FILIP1: variants seen among roughly 807,000 people sequenced by gnomAD.
FILIP1 encodes filamin A interacting protein 1, also known as filamin-A-interacting protein 1.
FILIP1 carries 61 observed loss-of-function variants against 102.1 expected under a neutral mutation model. The ratio of observed to expected loss-of-function variants is 0.60; its 90% CI spans 0.49 to 0.74. The LOEUF is 0.74. Ranked by LOEUF, FILIP1 falls within the 30% of genes least tolerant of loss-of-function variation. The pLI is 0.00. For missense variants in FILIP1, 1,314 were observed against 1,441.2 expected, an observed-to-expected ratio of 0.91 and a Z score of 1.43; for synonymous variants, 491 against 526.9, an observed-to-expected ratio of 0.93 and a Z score of 0.93.
At position 75,362,826 on chromosome 6, in the gene FILIP1, A is replaced by C. The variant is rs762260642; in HGVS notation, c.368T>G (p.Val123Gly). The C allele has an allele frequency of 6.2e-7, 1 of 1,613,820 alleles. No homozygotes were observed. The stretch of plus-strand genomic sequence containing the variant: ...GGCATCTCGGTGCAGGACCCGCAGC[A>C]CTTTCTCTGGCTCCGCAGACCCGTA... ...AHYGSAEPEKVLRVLHRDAIL... is the reference protein window; with the variant it reads ...AHYGSAEPEKGLRVLHRDAIL... Residue 123 changes from valine to glycine, a missense_variant, in exon 3 of 6, where the codon GTG becomes GGG. Around this residue, in one of 3 missense-constraint regions of FILIP1, gnomAD observed 494 missense variants for 511.2 expected, o/e 0.97. Coordinates refer to ENST00000237172, the MANE Select transcript of FILIP1 (RefSeq NM_015687.5).
intron 1 of FILIP1, among the ~76,000 whole-genome samples, chr6:75,485,691 A>G (rs969557734): frequency 1.3e-5 from 2 of 152,196 alleles, no homozygotes; most frequent in African/African-American, 2.4e-5. Context: ...TTATTTCCAA[A>G]TAGTCAGACA....
chr6:75,448,099 A>T (rs1778498697), intron 1 of FILIP1, among the ~76,000 whole-genome samples: 1 of 152,184 alleles, frequency 6.6e-6, no homozygotes, highest in African/African-American at 2.4e-5. Flanking sequence ...AGCATGCCAG[A>T]CACTAAATAA....
intron 1 of FILIP1, among the ~76,000 whole-genome samples, chr6:75,424,561 T>A (rs1198453646): frequency 6.6e-6 from 1 of 152,166 alleles, no homozygotes; most frequent in African/African-American, 2.4e-5. Flanking sequence ...ACTGGATGAG[T>A]AGAACTGTTT....
At chr6:75,330,274 C>A (rs1302968433) in intron 4 of FILIP1, among the ~76,000 whole-genome samples, 1 of 152,130 alleles carries the variant, frequency 6.6e-6, no homozygotes, top group Non-Finnish European at 1.5e-5. Context: ...TTTCTGAGTG[C>A]CAGAGAATCA....
exon 7 of FILIP1, chr6:75,293,182 C>A (rs572274688): frequency 6.6e-6 from 1 of 152,240 alleles, no homozygotes; most frequent in African/African-American, 2.4e-5. Flanking sequence ...ACTAGAAACA[C>A]TGATTATGAT....
At chr6:75,361,085 C>T (rs183725452) in intron 3 of FILIP1, among the ~76,000 whole-genome samples, 33 of 152,366 alleles carry the variant, frequency 2.2e-4, no homozygotes, top group African/African-American at 7.5e-4. Flanking sequence ...TTCTCACTCA[C>T]TTCTCCCCAA....
chr6:75,292,628 C>A (rs1425096192), exon 7 of FILIP1: 1 of 151,942 alleles, frequency 6.6e-6, no homozygotes, highest in Admixed American at 6.6e-5. Flanking sequence ...TTTTCCTTTG[C>A]TTTGTGATTC....
intron 2 of FILIP1, among the ~76,000 whole-genome samples, chr6:75,372,641 GAAA>G (rs1775567482): frequency 1.9e-5 from 1 of 51,646 alleles, no homozygotes; most frequent in Non-Finnish European, 3.7e-5. Context: ...AAGAAAGAAA[GAAA>G]GAAAGAAAGA....
intron 6 of FILIP1, among the ~76,000 whole-genome samples, chr6:75,298,910 T>C (rs1772758839): frequency 6.6e-6 from 1 of 151,726 alleles, no homozygotes; most frequent in Non-Finnish European, 1.5e-5. Flanking sequence ...AGAGAGAGAC[T>C]CAGTCTCAAA....
At chr6:75,462,945 A>T (rs1779066871) in intron 1 of FILIP1, among the ~76,000 whole-genome samples, 1 of 152,208 alleles carries the variant, frequency 6.6e-6, no homozygotes, top group African/African-American at 2.4e-5. Flanking sequence ...AAGAGGGGTC[A>T]AAGACTGTAG....
At chr6:75,371,783 G>A (rs1775529115) in intron 2 of FILIP1, among the ~76,000 whole-genome samples, 1 of 152,056 alleles carries the variant, frequency 6.6e-6, no homozygotes, top group African/African-American at 2.4e-5. Context: ...GAATTAAGTT[G>A]GAACTTTTCC....
At chr6:75,305,383 G>A (rs989145374), downstream of FILIP1, among the ~76,000 whole-genome samples, 12 of 152,080 alleles carry the variant, frequency 7.9e-5, 1 homozygote, top group Non-Finnish European at 1.3e-4. Context: ...TCATGTCTCC[G>A]AAATTATACT....
chr6:75,426,261 A>T (rs1175747028), intron 1 of FILIP1, among the ~76,000 whole-genome samples: 1 of 152,170 alleles, frequency 6.6e-6, no homozygotes, highest in African/African-American at 2.4e-5. Flanking sequence ...GAAGAAAAAA[A>T]AATGCCACTT....
intron 1 of FILIP1, among the ~76,000 whole-genome samples, chr6:75,428,928 C>G (rs912355873): frequency 6.7e-6 from 1 of 149,772 alleles, no homozygotes; most frequent in African/African-American, 2.5e-5. Context: ...TCCTGCATAG[C>G]TACATTTAGC....
chr6:75,469,433 G>T (rs1197166893), intron 1 of FILIP1, among the ~76,000 whole-genome samples: 1 of 151,810 alleles, frequency 6.6e-6, no homozygotes, highest in African/African-American at 2.4e-5. Context: ...GACAGAAAAA[G>T]CTTGAAATGG....
intron 4 of FILIP1, among the ~76,000 whole-genome samples, chr6:75,341,169 T>G (rs200952748): frequency 8.0e-5 from 11 of 137,246 alleles, no homozygotes; most frequent in Admixed American, 2.9e-4. Context: ...TTTTTTTTTT[T>G]GGATTTTTTG....
chr6:75,394,476 C>T (rs2149661787), intron 2 of FILIP1, among the ~76,000 whole-genome samples: 1 of 151,804 alleles, frequency 6.6e-6, no homozygotes, highest in Non-Finnish European at 1.5e-5. Context: ...ACAAAAAGTG[C>T]CAAAAGTGAA....
chr6:75,332,032 T>G (rs1582357614), intron 4 of FILIP1, among the ~76,000 whole-genome samples: 1 of 152,186 alleles, frequency 6.6e-6, no homozygotes, highest in Admixed American at 6.5e-5. Context: ...ACACCAGAAC[T>G]TGACTGTGCT....
At chr6:75,354,839 A>T (rs1018766250) in intron 3 of FILIP1, among the ~76,000 whole-genome samples, 6 of 152,234 alleles carry the variant, frequency 3.9e-5, no homozygotes, top group African/African-American at 1.4e-4. Flanking sequence ...TCCCCTGGAA[A>T]GTAATTTTCA....
Sources: gnomAD v4.1 joint callset for allele counts (sites outside exome capture counted in the v4.1 genomes callset) on GRCh38, gnomAD v4.1.1 for gene constraint, gnomAD v4.1.1 regional missense constraint, MANE v1.5 for transcripts, NCBI Gene and HGNC (gene_info 2026-07-23, HGNC 2026-07-21) for gene names.